Variants in NTM observed in about 807,000 individuals in gnomAD.
NTM encodes neurotrimin.
In NTM, 13 loss-of-function variants were observed where a neutral mutation model predicts 42.1. The observed-to-expected ratio is 0.31, with a 90% CI of 0.20 to 0.49. The LOEUF (loss-of-function observed/expected upper bound fraction) is 0.49. Among genes scored for constraint, NTM ranks in the 20% least tolerant of loss-of-function variants. NTM has a pLI of 0.99. For synonymous variants in NTM, 187 were observed against 179.2 expected, an observed-to-expected ratio of 1.04 and a Z score of -0.35; for missense variants, 373 against 452.8, an observed-to-expected ratio of 0.82 and a Z score of 1.60.
chr11:131,462,517 G>A (rs966732086), intron 1 of NTM, among the ~76,000 whole-genome samples: 1 of 152,248 alleles, frequency 6.6e-6, no homozygotes, highest in African/African-American at 2.4e-5. Flanking sequence ...ATGGCACGTT[G>A]AAGTTAGTGA....
intron 2 of NTM, among the ~76,000 whole-genome samples, chr11:131,954,544 C>T (rs543491282): frequency 5.6e-4 from 86 of 152,324 alleles, no homozygotes; most frequent in Admixed American, 1.0e-3. Flanking sequence ...TGTCCATCAG[C>T]GCCTCCCAGG....
intron 1 of NTM, among the ~76,000 whole-genome samples, chr11:131,451,981 C>T (rs1408212178): frequency 6.6e-6 from 1 of 152,196 alleles, no homozygotes; most frequent in Non-Finnish European, 1.5e-5. Context: ...CTGAGACACC[C>T]TCCCGCTCTC....
At chr11:132,019,555 C>T (rs1415890615) in intron 2 of NTM, among the ~76,000 whole-genome samples, 2 of 151,964 alleles carry the variant, frequency 1.3e-5, no homozygotes, top group Non-Finnish European at 2.9e-5. Context: ...TTTTATCATA[C>T]TGAAATATCC....
chr11:131,739,718 G>T (rs567769593), intron 1 of NTM, among the ~76,000 whole-genome samples: 1 of 152,208 alleles, frequency 6.6e-6, no homozygotes, highest in African/African-American at 2.4e-5. Context: ...CCTAGGGAGG[G>T]CAGTGTTAGC....
chr11:131,936,957 A>G (rs184807074), intron 2 of NTM, among the ~76,000 whole-genome samples: 42 of 152,380 alleles, frequency 2.8e-4, no homozygotes, highest in Admixed American at 2.0e-3. Context: ...CAAACTGCTT[A>G]GCAAAGAGTC....
chr11:131,588,715 G>T, intron 1 of NTM, among the ~76,000 whole-genome samples: 1 of 152,184 alleles, frequency 6.6e-6, no homozygotes, highest in East Asian at 1.9e-4. Flanking sequence ...AACCTACTAT[G>T]GGGAATGGCA....
intron 2 of NTM, among the ~76,000 whole-genome samples, chr11:131,993,890 C>A (rs906310062): frequency 6.6e-6 from 1 of 151,712 alleles, no homozygotes; most frequent in Admixed American, 6.6e-5. Context: ...GTAATCCCAG[C>A]TACTCAGGAG....
chr11:131,651,853 C>CA (rs1325191590), intron 1 of NTM, among the ~76,000 whole-genome samples: 2 of 146,102 alleles, frequency 1.4e-5, no homozygotes, highest in Admixed American at 6.9e-5. Context: ...CCCCCCGACC[C>CA]AAAAAAAGAA....
chr11:131,789,623 A>AAGG lies in NTM; in HGVS notation c.83-121939_83-121938insGAG, dbSNP rs1565552834. On this transcript the variant is annotated intron_variant, in intron 1 of 8. Coordinates refer to ENST00000683400, the MANE Select transcript of NTM (RefSeq NM_001352005.2). ...GAAGAAGAAGAAGAAGAAGAAGAAG[A>AAGG]AGAAGAAGAAGAAAAGAAGAAGAAG... Among the ~76,000 whole-genome samples the AAGG allele has an allele frequency of 1.4e-4, 12 of 88,196 alleles. 1 individual carries two copies. Among genetic ancestry groups the AAGG allele is most frequent in the South Asian group, 6.2e-4 (2 of 3,214 alleles). The allele number at this position is 88,196 out of a possible 152,430, so 57.9% of individuals were successfully genotyped here.
intron 3 of NTM, among the ~76,000 whole-genome samples, chr11:132,197,157 G>T (rs1487461770): frequency 6.6e-6 from 1 of 152,154 alleles, no homozygotes; most frequent in Non-Finnish European, 1.5e-5. Flanking sequence ...TTAAGGAGGA[G>T]TAGCCAGTAA....
At chr11:132,136,887 G>T (rs888371218) in intron 2 of NTM, among the ~76,000 whole-genome samples, 6 of 152,116 alleles carry the variant, frequency 3.9e-5, no homozygotes, top group Non-Finnish European at 7.3e-5. Flanking sequence ...ATGAAGCCAG[G>T]AGTGACACAC....
At chr11:132,045,328 A>C (rs1417803708) in intron 2 of NTM, among the ~76,000 whole-genome samples, 1 of 152,186 alleles carries the variant, frequency 6.6e-6, no homozygotes, top group Non-Finnish European at 1.5e-5. Context: ...GAGAAGGAAG[A>C]GGTCAGAGGA....
chr11:131,962,648 A>G (rs1310533328), intron 2 of NTM, among the ~76,000 whole-genome samples: 1 of 152,224 alleles, frequency 6.6e-6, no homozygotes, highest in Non-Finnish European at 1.5e-5. Flanking sequence ...GTAATTTGTT[A>G]CAGATGATCT....
At chr11:131,794,924 C>A (rs1565561064) in intron 1 of NTM, 1 of 985,118 alleles carries the variant, frequency 1.0e-6, no homozygotes, top group African/African-American at 1.8e-5. Flanking sequence ...GTAACCAAGG[C>A]TTTGGAGTTA....
At chr11:131,488,256 T>C (rs904884922) in intron 1 of NTM, among the ~76,000 whole-genome samples, 16 of 152,228 alleles carry the variant, frequency 1.1e-4, no homozygotes, top group Admixed American at 5.2e-4. Context: ...TTTCTGCTTT[T>C]TCGTGGTGTC....
At chr11:132,022,564 C>G (rs2074513986) in intron 2 of NTM, among the ~76,000 whole-genome samples, 1 of 152,228 alleles carries the variant, frequency 6.6e-6, no homozygotes, top group African/African-American at 2.4e-5. Flanking sequence ...CCCTCTAACA[C>G]TTAGGTCCCT....
At chr11:132,007,184 T>C (rs1171326979) in intron 2 of NTM, among the ~76,000 whole-genome samples, 2 of 152,258 alleles carry the variant, frequency 1.3e-5, no homozygotes, top group Non-Finnish European at 2.9e-5. Context: ...CGGCATAACC[T>C]ACTTATCCTG....
intron 2 of NTM, among the ~76,000 whole-genome samples, chr11:132,019,656 A>G (rs888649157): frequency 6.6e-6 from 1 of 151,822 alleles, no homozygotes; most frequent in Non-Finnish European, 1.5e-5. Context: ...CTTCTTTCTT[A>G]TGGTTACTGT....
intron 4 of NTM, among the ~76,000 whole-genome samples, chr11:132,245,352 G>T (rs956747951): frequency 2.0e-5 from 3 of 152,158 alleles, no homozygotes; most frequent in African/African-American, 7.2e-5. Flanking sequence ...GGCACAGGAA[G>T]TTCAAGTGCA....
Sources: allele counts gnomAD v4.1 joint callset (sites outside exome capture counted in the v4.1 genomes callset), GRCh38; gene constraint gnomAD v4.1.1; transcripts MANE v1.5; gene names NCBI Gene and HGNC (gene_info 2026-07-23, HGNC 2026-07-21).